The following NEK11 variants were observed in gnomAD, a reference collection of about 807,000 sequenced individuals.
NEK11 encodes NIMA related kinase 11, also known as serine/threonine-protein kinase Nek11.
In NEK11, 72 loss-of-function variants were observed where a neutral mutation model predicts 80.7. The observed-to-expected ratio is 0.89, with a 90% CI of 0.74 to 1.08. The LOEUF is 1.08. Ranked by LOEUF, NEK11 falls within the 50% of genes least tolerant of loss-of-function variation. The probability of loss-of-function intolerance (pLI) is 0.00; values close to 1 mark genes in which losing one functional copy is unlikely to be tolerated. For missense variants in NEK11, 764 were observed against 763.6 expected (o/e 1.00, Z -0.01); for synonymous variants, 251 against 260.7 (o/e 0.96, Z 0.36).
intron 17 of NEK11, among the ~76,000 whole-genome samples, chr3:131,334,493 T>G (rs1462677388): frequency 3.3e-5 from 5 of 151,048 alleles, no homozygotes; most frequent in Non-Finnish European, 7.4e-5. Flanking sequence ...TTTATAGCAC[T>G]AAATGCCCAC....
At chr3:131,161,155 AAAAAAAAAAG>A (rs1208815533) in intron 10 of NEK11, among the ~76,000 whole-genome samples, 1 of 151,686 alleles carries the variant, frequency 6.6e-6, no homozygotes, top group African/African-American at 2.4e-5. Context: ...ATCTCAAAAA[AAAAAAAAAAG>A]AAAAAAAAAG....
chr3:131,138,932 A>C (rs891637845), intron 7 of NEK11, among the ~76,000 whole-genome samples: 3 of 152,110 alleles, frequency 2.0e-5, no homozygotes, highest in African/African-American at 4.8e-5. Context: ...CCAGATGGTG[A>C]ATACTACAAT....
At chr3:131,102,267 G>A (rs1000763664) in intron 4 of NEK11, among the ~76,000 whole-genome samples, 2 of 152,176 alleles carry the variant, frequency 1.3e-5, no homozygotes, top group Non-Finnish European at 2.9e-5. Context: ...TTGCTTTGCA[G>A]TGCCTGTGGG....
At chr3:131,110,077 G>C (rs547373219) in intron 5 of NEK11, among the ~76,000 whole-genome samples, 156 bp downstream of exon 5, 1 of 152,142 alleles carries the variant, frequency 6.6e-6, no homozygotes, top group African/African-American at 2.4e-5. Flanking sequence ...TGAGAAAACT[G>C]TTGAATGATT....
chr3:131,336,719 T>C (rs537539241), intron 17 of NEK11, among the ~76,000 whole-genome samples: 7 of 152,346 alleles, frequency 4.6e-5, no homozygotes, highest in Non-Finnish European at 8.8e-5. Context: ...AACTTACTCA[T>C]TTGACAAAGG....
intron 17 of NEK11, among the ~76,000 whole-genome samples, chr3:131,309,172 C>A (rs991345265): frequency 2.6e-5 from 4 of 152,170 alleles, no homozygotes; most frequent in African/African-American, 9.7e-5. Flanking sequence ...CTTAATCCCC[C>A]CAGAATGCTT....
chr3:131,165,181 C>G, intron 11 of NEK11: 1 of 418,220 alleles, frequency 2.4e-6, no homozygotes, highest in East Asian at 4.3e-5. Flanking sequence ...GGAGCACTGC[C>G]TTCTCCTGCT....
chr3:131,135,328 C>G (rs1349266977), intron 7 of NEK11, among the ~76,000 whole-genome samples: 2 of 152,020 alleles, frequency 1.3e-5, no homozygotes, highest in Non-Finnish European at 2.9e-5. Flanking sequence ...GAGGTCTTTT[C>G]CAATTCACCT....
intron 3 of NEK11, chr3:131,053,794 T>C (rs2068845679): frequency 6.6e-6 from 1 of 152,258 alleles, no homozygotes; most frequent in Non-Finnish European, 1.5e-5. Context: ...TTGAAGTCTA[T>C]TTAACTATAA....
At chr3:131,259,893 GT>G (rs1248290344) in intron 16 of NEK11, among the ~76,000 whole-genome samples, 3 of 152,180 alleles carry the variant, frequency 2.0e-5, no homozygotes, top group African/African-American at 7.2e-5. Context: ...TTTCTGGGGT[GT>G]TGAGGTGTTG....
intron 3 of NEK11, among the ~76,000 whole-genome samples, chr3:131,037,993 A>G (rs996357614): frequency 1.3e-5 from 2 of 152,162 alleles, no homozygotes; most frequent in African/African-American, 2.4e-5. Flanking sequence ...TTATGAAAAC[A>G]ATTTGGAAGA....
At chr3:131,188,954 C>T (rs540836142) in intron 14 of NEK11, among the ~76,000 whole-genome samples, 18 of 152,226 alleles carry the variant, frequency 1.2e-4, no homozygotes, top group African/African-American at 3.1e-4. Flanking sequence ...GGGGAGATCA[C>T]CCTGGATTAC....
At chr3:131,180,979 A>G (rs2093313300) in intron 14 of NEK11, among the ~76,000 whole-genome samples, 1 of 152,234 alleles carries the variant, frequency 6.6e-6, no homozygotes, top group Non-Finnish European at 1.5e-5. Flanking sequence ...CATTTCTGCC[A>G]GCTAACGAAA....
chr3:131,305,653 GAAC>G (rs2096716063), intron 17 of NEK11, among the ~76,000 whole-genome samples: 1 of 152,150 alleles, frequency 6.6e-6, no homozygotes, highest in East Asian at 1.9e-4. Flanking sequence ...CCACCTCTCT[GAAC>G]AGTTCTCCCT....
At chr3:131,063,016 A>T (rs1415689112) in intron 3 of NEK11, among the ~76,000 whole-genome samples, 1 of 152,188 alleles carries the variant, frequency 6.6e-6, no homozygotes, top group Non-Finnish European at 1.5e-5. Flanking sequence ...ATGAAGTTTT[A>T]AAAAATTATT....
chr3:131,121,426 CG>C (rs2082355514), intron 5 of NEK11, among the ~76,000 whole-genome samples: 1 of 152,202 alleles, frequency 6.6e-6, no homozygotes, highest in African/African-American at 2.4e-5. Context: ...TTAGGCTACT[CG>C]GGGCTCAGGG....
At chr3:131,238,509 A>T (rs2095470842) in intron 15 of NEK11, among the ~76,000 whole-genome samples, 1 of 152,332 alleles carries the variant, frequency 6.6e-6, no homozygotes, top group East Asian at 1.9e-4. Context: ...AAGTAAGAGC[A>T]ACTAGAAAAC....
intron 14 of NEK11, among the ~76,000 whole-genome samples, chr3:131,225,159 T>G (rs1173006936): frequency 6.6e-6 from 1 of 152,190 alleles, no homozygotes; most frequent in Non-Finnish European, 1.5e-5. Context: ...AGATGTGCCA[T>G]TTAAAAAATC....
chr3:131,206,344 T>A (rs957974764), intron 14 of NEK11, among the ~76,000 whole-genome samples: 22 of 152,246 alleles, frequency 1.4e-4, no homozygotes, highest in Admixed American at 8.5e-4. Flanking sequence ...ATATAGTAGT[T>A]GCAAGTTTCT....
Sources: allele counts gnomAD v4.1 joint callset (sites outside exome capture counted in the v4.1 genomes callset), GRCh38; gene constraint gnomAD v4.1.1; transcripts MANE v1.5; gene names NCBI Gene and HGNC (gene_info 2026-07-23, HGNC 2026-07-21).